KIRREL3: variants seen among roughly 807,000 people sequenced by gnomAD.
KIRREL3 encodes the protein kin of IRRE-like protein 3.
KIRREL3 carries 36 observed loss-of-function variants against 89.7 expected under a neutral mutation model. The observed-to-expected ratio is 0.40, with a 90% CI of 0.31 to 0.53. The LOEUF is 0.53. KIRREL3 is among the 20% of genes least tolerant of loss of function. The pLI is 0.49. For synonymous variants in KIRREL3, 445 were observed against 441.4 expected, an observed-to-expected ratio of 1.01 and a Z score of -0.10; for missense variants, 864 against 1,056.6, an observed-to-expected ratio of 0.82 and a Z score of 2.53.
chr11:126,765,263 G>A (rs573477359), intron 1 of KIRREL3, among the ~76,000 whole-genome samples: 1 of 152,270 alleles, frequency 6.6e-6, no homozygotes, highest in South Asian at 2.1e-4. Context: ...ATGACAATGA[G>A]CAACCTTCTT....
chr11:126,518,017 C>A (rs2134419040), intron 4 of KIRREL3, among the ~76,000 whole-genome samples: 1 of 152,350 alleles, frequency 6.6e-6, no homozygotes, highest in Non-Finnish European at 1.5e-5. Context: ...GGGCACGCAG[C>A]CTGACCACTG....
At chr11:126,504,431 C>G (rs1019817851) in intron 4 of KIRREL3, among the ~76,000 whole-genome samples, 1 of 152,208 alleles carries the variant, frequency 6.6e-6, no homozygotes. Context: ...CTAAGATCCA[C>G]AGCTGACTTC....
At position 126,993,150 on chromosome 11, in the gene KIRREL3, C is replaced by T. The variant is rs539103687; in HGVS notation, c.55+7305G>A. On this transcript the variant is annotated intron_variant, in intron 1 of 16. Transcript: ENST00000525144. The surrounding 1 kb of genome is among the most constrained non-coding windows in gnomAD (Gnocchi z 6.1). ...AAGAAGTAAAAATAACATGTTGATC[C>T]CTAAACCCGTGATGTAGAGAGGACC... Among the ~76,000 whole-genome samples the T allele has an allele frequency of 3.3e-5, 5 of 152,272 alleles. No individual in the cohort carries two copies. The East Asian group carries it at 9.7e-4, about 29-fold the overall frequency.
chr11:126,873,992 C>T (rs376740594), intron 1 of KIRREL3, among the ~76,000 whole-genome samples: 7 of 152,284 alleles, frequency 4.6e-5, no homozygotes, highest in South Asian at 4.2e-4. Flanking sequence ...TGGTTTGCAC[C>T]GTCAAGACAA....
intron 1 of KIRREL3, among the ~76,000 whole-genome samples, chr11:126,859,274 C>T (rs190884287): frequency 7.2e-5 from 11 of 152,264 alleles, no homozygotes; most frequent in Admixed American, 3.3e-4. Context: ...TTCTTTAATT[C>T]TCACGATGGG....
intron 1 of KIRREL3, among the ~76,000 whole-genome samples, chr11:126,810,078 A>T (rs778618699): frequency 6.6e-6 from 1 of 152,096 alleles, no homozygotes; most frequent in African/African-American, 2.4e-5. Flanking sequence ...TGAGTCACTG[A>T]CCACTCAGGG....
rs1468725702 is a variant in KIRREL3 at position 126,776,037 on chromosome 11, G to C, written c.56-213125C>G. Among the ~76,000 whole-genome samples the C allele has an allele frequency of 6.6e-6, 1 of 152,230 alleles. No homozygotes were observed. Among genetic ancestry groups the C allele is most frequent in the Non-Finnish European group, 1.5e-5 (1 of 68,036 alleles). Reference sequence around the variant, plus strand: ...GGGGCCACACTCCTGAGACAGCAGAGTGGGAGCCTGGGGAAGCTCCCCCAG... The same window carrying C: ...GGGGCCACACTCCTGAGACAGCAGACTGGGAGCCTGGGGAAGCTCCCCCAG... On this transcript the variant is annotated intron_variant, in intron 1 of 16. Transcript: ENST00000525144. The surrounding 1 kb of genome is among the most constrained non-coding windows in gnomAD (Gnocchi z 4.7).
In KIRREL3 at chr11:126,523,289, C is replaced by T. The variant is rs1439693416; in HGVS notation, c.284-1825G>A. On this transcript the variant is annotated intron_variant, in intron 3 of 16. Coordinates refer to ENST00000525144, the MANE Select transcript of KIRREL3 (RefSeq NM_032531.4). The surrounding 1 kb of genome is among the most constrained non-coding windows in gnomAD (Gnocchi z 4.9). ...CGGGTGAAAGATCAGACTAGAGGAG[C>T]TTGAAGGCCCCTCTCACCACCATAA... Among the ~76,000 whole-genome samples, 1 of 152,128 alleles carries T rather than the reference C, an allele frequency of 6.6e-6. No homozygotes were observed. The highest frequency in any genetic ancestry group is 2.4e-5 in the African/African-American group (1 of 41,406).
In KIRREL3 at chr11:126,771,793, T is replaced by C. The variant is rs1218874260; in HGVS notation, c.56-208881A>G. ...AAACGTTTTCATGTGAAGCCACAGA[T>C]TTGGCACTGGCTAATCCAGGTAGGC... On this transcript the variant is annotated intron_variant, in intron 1 of 16. Transcript: ENST00000525144. The surrounding 1 kb of genome is among the most constrained non-coding windows in gnomAD (Gnocchi z 4.4). 6.6e-6 allele frequency among the ~76,000 whole-genome samples: 1 copy of C among 152,232 alleles called. No individual in the cohort carries two copies. The highest frequency in any genetic ancestry group is 1.5e-5 in the Non-Finnish European group (1 of 68,034).
At chr11:126,967,608 C>T (rs1949308623) in intron 1 of KIRREL3, among the ~76,000 whole-genome samples, 1 of 152,018 alleles carries the variant, frequency 6.6e-6, no homozygotes, top group African/African-American at 2.4e-5. Context: ...AAGAAGCAAC[C>T]GCAGAGAAAT....
rs1950181353 is a variant in KIRREL3, at chr11:126,996,460, T to C, written c.55+3995A>G. Among the ~76,000 whole-genome samples, 1 of 152,156 alleles carries C rather than the reference T, an allele frequency of 6.6e-6. No homozygotes were observed. Among genetic ancestry groups the C allele is most frequent in the Admixed American group, 6.5e-5 (1 of 15,270 alleles). ...TGTGTTCAGGCTCTCTTCCGATGCC[T>C]CCCCAACCCTGCCCCTCCCAAGGGA... On this transcript the variant is annotated intron_variant, in intron 1 of 16. Transcript: ENST00000525144. The surrounding 1 kb of genome is among the most constrained non-coding windows in gnomAD (Gnocchi z 4.7).
rs1299347326 is a variant in KIRREL3, at chr11:126,489,609, G to C, written c.434-16143C>G. Among the ~76,000 whole-genome samples the C allele has an allele frequency of 6.6e-6, 1 of 152,056 alleles. No homozygotes were observed. The highest frequency in any genetic ancestry group is 1.9e-4 in the East Asian group (1 of 5,184). On this transcript the variant is annotated intron_variant, in intron 4 of 16. Coordinates refer to ENST00000525144, the MANE Select transcript of KIRREL3 (RefSeq NM_032531.4). The surrounding 1 kb of genome is among the most constrained non-coding windows in gnomAD (Gnocchi z 5.5). Reference sequence around the variant, plus strand: ...AGATGTGTGAATCACCATAAGTTTGGACCCAGGACAGCTGGTGTCCCCTGG... The same window carrying C: ...AGATGTGTGAATCACCATAAGTTTGCACCCAGGACAGCTGGTGTCCCCTGG...
chr11:126,857,978 A>T (rs1291925976), intron 1 of KIRREL3, among the ~76,000 whole-genome samples: 1 of 152,188 alleles, frequency 6.6e-6, no homozygotes, highest in African/African-American at 2.4e-5. Flanking sequence ...CTCAGGGCAC[A>T]AGCTGCAGAT....
At chr11:126,935,111 T>G (rs1250411976) in intron 1 of KIRREL3, 2 of 147,892 alleles carry the variant, frequency 1.4e-5, no homozygotes, top group African/African-American at 5.0e-5. Context: ...ATGTCAAATA[T>G]GCATATGAAA....
intron 1 of KIRREL3, among the ~76,000 whole-genome samples, chr11:126,693,789 G>A (rs892930242): frequency 2.0e-5 from 3 of 152,252 alleles, no homozygotes; most frequent in Non-Finnish European, 4.4e-5. Flanking sequence ...GAAAAAGTGA[G>A]TGGAAACGGA....
chr11:126,887,945 C>G (rs1006880850), intron 1 of KIRREL3, among the ~76,000 whole-genome samples: 7 of 152,180 alleles, frequency 4.6e-5, no homozygotes, highest in Admixed American at 1.3e-4. Context: ...AAGCTTGATT[C>G]CTATCTCTCC....
chr11:126,602,689 C>T (rs1239698879), intron 1 of KIRREL3, among the ~76,000 whole-genome samples: 1 of 152,198 alleles, frequency 6.6e-6, no homozygotes, highest in Non-Finnish European at 1.5e-5. Context: ...GCTGTGGATC[C>T]GCATCACCTG....
intron 8 of KIRREL3, among the ~76,000 whole-genome samples, chr11:126,447,599 T>C (rs564754069): frequency 6.6e-6 from 1 of 152,312 alleles, no homozygotes; most frequent in Admixed American, 6.5e-5. Flanking sequence ...ATTAAAGAGC[T>C]GAATGCAGGC....
intron 4 of KIRREL3, among the ~76,000 whole-genome samples, chr11:126,509,041 G>C (rs1958116321): frequency 6.6e-6 from 1 of 152,170 alleles, no homozygotes. Flanking sequence ...GGACCATCAG[G>C]ACCTCTGAAT....
Sources: allele counts gnomAD v4.1 joint callset (sites outside exome capture counted in the v4.1 genomes callset), GRCh38; gene constraint gnomAD v4.1.1; non-coding constraint Gnocchi (gnomAD v3.1); transcripts MANE v1.5; gene names NCBI Gene and HGNC (gene_info 2026-07-23, HGNC 2026-07-21).